Variants in FHIP2A observed in about 807,000 individuals in gnomAD.
FHIP2A encodes family with sequence similarity 160 member B1.
FHIP2A carries 46 observed loss-of-function variants against 93.5 expected under a neutral mutation model. That is an observed-to-expected ratio of 0.49 (90% CI 0.39 to 0.63). FHIP2A has a LOEUF of 0.63. FHIP2A is among the 20% of genes least tolerant of loss of function. FHIP2A has a pLI of 0.00. For synonymous variants in FHIP2A, 332 were observed against 326.5 expected (o/e 1.02, Z -0.18); for missense variants, 769 against 909.7 (o/e 0.85, Z 1.99).
At chr10:114,848,005 A>C (rs553271580) in intron 12 of FHIP2A, among the ~76,000 whole-genome samples, 181 of 152,312 alleles carry the variant, frequency 1.2e-3, no homozygotes, top group African/African-American at 4.0e-3. Context: ...GTAATTCCCA[A>C]TTGTAACAAC....
chr10:114,837,976 C>T (rs2083645819), intron 5 of FHIP2A, among the ~76,000 whole-genome samples: 1 of 152,184 alleles, frequency 6.6e-6, no homozygotes, highest in Non-Finnish European at 1.5e-5. Flanking sequence ...CTAAGAACAT[C>T]ACACACAGAT....
intron 16 of FHIP2A, among the ~76,000 whole-genome samples, chr10:114,885,411 A>G (rs1311733321): frequency 1.3e-5 from 2 of 151,556 alleles, no homozygotes; most frequent in Non-Finnish European, 1.5e-5. Flanking sequence ...AAAAAAAAAA[A>G]GAAAAAAAAA....
chr10:114,861,745 G>A lies in FHIP2A; in HGVS notation c.*205G>A, dbSNP rs940891611. ...TGTTTTCATTGGCTTTATCATAATG[G>A]TTCTATATATACAATTGCACATTGT... On this transcript the variant is annotated 3_prime_UTR_variant, in exon 17 of 17. Coordinates refer to ENST00000369248, the MANE Select transcript of FHIP2A (RefSeq NM_020940.4). 1.7e-5 allele frequency: 22 copies of A among 1,323,950 alleles called. No individual in the cohort carries two copies. Among genetic ancestry groups the A allele is most frequent in the Non-Finnish European group, 2.0e-5 (21 of 1,035,442 alleles). The allele number at this position is 1,323,950 out of a possible 1,614,324, so 82.0% of individuals were successfully genotyped here. A position where few individuals can be genotyped will look rare whatever the true frequency, so the allele number is the denominator to read the frequency against.
chr10:114,858,454 C>T (rs1388240890), intron 14 of FHIP2A, among the ~76,000 whole-genome samples: 2 of 152,040 alleles, frequency 1.3e-5, no homozygotes, highest in African/African-American at 4.8e-5. Flanking sequence ...TTGTTTAAAG[C>T]CAAATTGTAC....
At chr10:114,859,504 G>A (rs906382112) in intron 14 of FHIP2A, among the ~76,000 whole-genome samples, 1 of 152,180 alleles carries the variant, frequency 6.6e-6, no homozygotes, top group Non-Finnish European at 1.5e-5. Context: ...CTGTGCTGCA[G>A]TGTCTGTCTC....
intron 1 of FHIP2A, among the ~76,000 whole-genome samples, chr10:114,827,796 C>CAAAA (rs1193460267): frequency 4.8e-5 from 4 of 84,082 alleles, no homozygotes; most frequent in African/African-American, 4.9e-5. Context: ...GACTCCATCT[C>CAAAA]AAAAAAAAAA....
At chr10:114,822,752 T>C (rs946408834) in intron 1 of FHIP2A, among the ~76,000 whole-genome samples, 15 of 152,182 alleles carry the variant, frequency 9.9e-5, no homozygotes, top group African/African-American at 3.6e-4. Flanking sequence ...AATAGGAGTT[T>C]GGAGGGTCCA....
At chr10:114,891,138 G>T (rs2083970300) in intron 16 of FHIP2A, among the ~76,000 whole-genome samples, 1 of 151,320 alleles carries the variant, frequency 6.6e-6, no homozygotes, top group Non-Finnish European at 1.5e-5. Flanking sequence ...AGGCTGTAGT[G>T]AGCTATGATC....
intron 16 of FHIP2A, chr10:114,899,461 T>G (rs181720411): frequency 2.8e-6 from 2 of 718,518 alleles, no homozygotes; most frequent in Admixed American, 2.0e-5. Flanking sequence ...CTTACCTTCA[T>G]TTCCTGATCT....
At position 114,846,626 on chromosome 10, in the gene FHIP2A, A is replaced by G. The variant is rs1358583230; in HGVS notation, c.1466A>G (p.Asn489Ser). Residue 489 changes from asparagine (N) to serine (S), a missense_variant, in exon 11 of 17, where the codon AAC becomes AGC. Coordinates refer to ENST00000369248, the MANE Select transcript of FHIP2A (RefSeq NM_020940.4). ...AAACCCAATGAGCACATTCTTTACA[A>G]CTTGGTCTTGAGAAATCTTGAAGAA... ...LQKPNEHILY[N>S]LVLRNLEERN... 6.2e-7 allele frequency: 1 copy of G among 1,612,788 alleles called. No homozygotes were observed. Among genetic ancestry groups the G allele is most frequent in the African/African-American group, 1.3e-5 (1 of 74,886 alleles).
intron 16 of FHIP2A, among the ~76,000 whole-genome samples, chr10:114,872,359 A>G (rs535037412): frequency 6.6e-6 from 1 of 152,314 alleles, no homozygotes; most frequent in East Asian, 1.9e-4. Flanking sequence ...GTTTTCTCAT[A>G]AGAGTCAGGG....
chr10:114,859,883 A>G (rs927785769), intron 14 of FHIP2A, among the ~76,000 whole-genome samples: 1 of 152,152 alleles, frequency 6.6e-6, no homozygotes, highest in African/African-American at 2.4e-5. Flanking sequence ...ATCCACTTTG[A>G]GGCATAGGGT....
chr10:114,865,110 C>T (rs1365737012), downstream of FHIP2A, among the ~76,000 whole-genome samples: 1 of 152,052 alleles, frequency 6.6e-6, no homozygotes, highest in African/African-American at 2.4e-5. Context: ...GCCCCAGCCT[C>T]CTGAGTAGCT....
chr10:114,851,318 C>G (rs2143012098), intron 13 of FHIP2A, among the ~76,000 whole-genome samples: 1 of 152,246 alleles, frequency 6.6e-6, no homozygotes, highest in African/African-American at 2.4e-5. Context: ...TAGATTTTCA[C>G]CTAAGTCTCT....
chr10:114,884,787 G>A lies in FHIP2A; in HGVS notation c.2193-14703G>A, dbSNP rs140782161. Among the ~76,000 whole-genome samples, 1,090 of 151,928 alleles carry A rather than the reference G, an allele frequency of 7.2e-3. 16 individuals are homozygous for A. The highest frequency in any genetic ancestry group is 0.025 in the African/African-American group (1,049 of 41,418). On this transcript the variant is annotated intron_variant, in intron 16 of 16. Coordinates refer to the FHIP2A transcript ENST00000369250. ...AAATTAGCTAGGTGTGGTGGCATGT[G>A]CCTATTGTCCCAGGTACTTGGGAGG...
intron 13 of FHIP2A, among the ~76,000 whole-genome samples, chr10:114,850,630 T>C (rs1241630542): frequency 3.9e-5 from 6 of 152,110 alleles, no homozygotes; most frequent in Non-Finnish European, 1.5e-5. Context: ...AGCTCAGAAG[T>C]TTAAGGCTAC....
At chr10:114,896,200 A>G (rs2084000475) in intron 16 of FHIP2A, among the ~76,000 whole-genome samples, 1 of 152,146 alleles carries the variant, frequency 6.6e-6, no homozygotes, top group African/African-American at 2.4e-5. Context: ...TCTATGCACA[A>G]TAGTAAAAGG....
At chr10:114,860,495 G>T (rs544804549) in intron 14 of FHIP2A, among the ~76,000 whole-genome samples, 2 of 152,216 alleles carry the variant, frequency 1.3e-5, no homozygotes, top group Non-Finnish European at 2.9e-5. Flanking sequence ...TGGGATTACA[G>T]GCATGTGCCA....
At chr10:114,860,262 A>G (rs1447897600) in intron 14 of FHIP2A, among the ~76,000 whole-genome samples, 2 of 152,146 alleles carry the variant, frequency 1.3e-5, no homozygotes, top group Non-Finnish European at 2.9e-5. Context: ...CCTGCAATAT[A>G]TGTAATTTGA....
Sources: allele counts gnomAD v4.1 joint callset (sites outside exome capture counted in the v4.1 genomes callset), GRCh38; gene constraint gnomAD v4.1.1; transcripts MANE v1.5; gene names NCBI Gene and HGNC (gene_info 2026-07-23, HGNC 2026-07-21).